The following QTMAN variants were observed in gnomAD, a reference collection of about 807,000 sequenced individuals.
QTMAN encodes tRNA-queuosine alpha-mannosyltransferase.
the QTMAN span, among the ~76,000 whole-genome samples, chr2:144,168,043 T>C: frequency 1.3e-5 from 2 of 152,200 alleles, no homozygotes; most frequent in African/African-American, 4.8e-5. Flanking sequence ...AAAACTGCTA[T>C]GATTAATGCC....
chr2:144,132,596 A>ATTGCTAAG, the QTMAN span, among the ~76,000 whole-genome samples: 1 of 152,050 alleles, frequency 6.6e-6, no homozygotes, highest in South Asian at 2.1e-4. Flanking sequence ...CAGTACTCAC[A>ATTGCTAAG]TTGCTAAGTT....
At chr2:144,272,770 G>A in the QTMAN span, among the ~76,000 whole-genome samples, 2 of 152,000 alleles carry the variant, frequency 1.3e-5, no homozygotes, top group Non-Finnish European at 1.5e-5. Context: ...TGCAAATACA[G>A]GCACAGATAT....
chr2:144,299,551 G>A, the QTMAN span, among the ~76,000 whole-genome samples: 18 of 152,276 alleles, frequency 1.2e-4, no homozygotes, highest in South Asian at 3.5e-3. Flanking sequence ...CAGCACTTGG[G>A]CTCACAGTAA....
the QTMAN span, among the ~76,000 whole-genome samples, chr2:144,239,392 T>G: frequency 6.6e-6 from 1 of 152,166 alleles, no homozygotes; most frequent in Non-Finnish European, 1.5e-5. Flanking sequence ...TATCTACAAT[T>G]GCCAACCTAA....
At chr2:144,016,156 A>G in the QTMAN span, among the ~76,000 whole-genome samples, 1 of 152,206 alleles carries the variant, frequency 6.6e-6, no homozygotes, top group African/African-American at 2.4e-5. Context: ...AAGAGGTTGT[A>G]TCTGCACAAT....
the QTMAN span, among the ~76,000 whole-genome samples, chr2:144,182,828 A>AAT: frequency 0.03 from 2,020 of 67,160 alleles, 95 homozygotes; most frequent in South Asian, 0.051. Flanking sequence ...TTATATATAT[A>AAT]ATATATATAT....
chr2:143,958,774 C>A, the QTMAN span, among the ~76,000 whole-genome samples: 52 of 136,986 alleles, frequency 3.8e-4, no homozygotes, highest in Middle Eastern at 3.9e-3. Flanking sequence ...ATTTTTATTT[C>A]TTTCTTTCTT....
the QTMAN span, among the ~76,000 whole-genome samples, chr2:144,046,412 C>T: frequency 5.3e-5 from 8 of 152,194 alleles, no homozygotes; most frequent in African/African-American, 1.7e-4. Context: ...TGAGATGGGG[C>T]TTTGTTCTGT....
At chr2:144,135,457 C>G in the QTMAN span, among the ~76,000 whole-genome samples, 29 of 152,294 alleles carry the variant, frequency 1.9e-4, no homozygotes, top group African/African-American at 7.0e-4. Flanking sequence ...CCTGAGCCCA[C>G]AGCTGTTTCT....
the QTMAN span, among the ~76,000 whole-genome samples, chr2:143,977,962 C>T: frequency 6.6e-6 from 1 of 152,136 alleles, no homozygotes; most frequent in African/African-American, 2.4e-5. Flanking sequence ...CACAATTCGC[C>T]ATTCATGTAT....
At chr2:144,146,539 C>A in the QTMAN span, among the ~76,000 whole-genome samples, 1 of 151,588 alleles carries the variant, frequency 6.6e-6, no homozygotes, top group Non-Finnish European at 1.5e-5. Flanking sequence ...AGGGTCTAAC[C>A]AGGAAGAACA....
the QTMAN span, among the ~76,000 whole-genome samples, chr2:144,126,874 G>T: frequency 6.6e-6 from 1 of 151,974 alleles, no homozygotes; most frequent in Non-Finnish European, 1.5e-5. Context: ...AAATTCTAAT[G>T]TAATCTTTTT....
At chr2:144,247,891 A>G in the QTMAN span, among the ~76,000 whole-genome samples, 1 of 152,102 alleles carries the variant, frequency 6.6e-6, no homozygotes, top group South Asian at 2.1e-4. Flanking sequence ...GGGTTTCACC[A>G]TACTGCCCAG....
chr2:144,319,341 T>A, the QTMAN span, among the ~76,000 whole-genome samples: 1 of 152,156 alleles, frequency 6.6e-6, no homozygotes, highest in Non-Finnish European at 1.5e-5. Flanking sequence ...AAATTAACCC[T>A]TTTAGTCAAC....
the QTMAN span, chr2:144,295,126 G>A: frequency 6.6e-6 from 1 of 152,168 alleles, no homozygotes; most frequent in East Asian, 1.9e-4. Context: ...CTCCCTGAAA[G>A]CTTTATCTTG....
At chr2:144,051,666 GGAT>G in the QTMAN span, among the ~76,000 whole-genome samples, 2 of 152,142 alleles carry the variant, frequency 1.3e-5, no homozygotes, top group African/African-American at 4.8e-5. Flanking sequence ...AAAAGAGGGT[GGAT>G]GATACAAAGC....
At chr2:144,156,742 G>C in the QTMAN span, among the ~76,000 whole-genome samples, 1 of 152,010 alleles carries the variant, frequency 6.6e-6, no homozygotes, top group Non-Finnish European at 1.5e-5. Context: ...CCCTCTTTAA[G>C]TTATATATTA....
At chr2:144,010,153 A>G in the QTMAN span, among the ~76,000 whole-genome samples, 9 of 152,112 alleles carry the variant, frequency 5.9e-5, no homozygotes, top group South Asian at 6.2e-4. Context: ...TCTTACTCAT[A>G]AAATTCATTT....
chr2:143,993,175 A>T, the QTMAN span, among the ~76,000 whole-genome samples: 2 of 152,350 alleles, frequency 1.3e-5, no homozygotes, highest in Non-Finnish European at 2.9e-5. Flanking sequence ...TGTAAGCTCC[A>T]AGTGAACAGA....
Sources: allele counts gnomAD v4.1 joint callset (sites outside exome capture counted in the v4.1 genomes callset), GRCh38; gene constraint gnomAD v4.1.1; transcripts MANE v1.5; gene names NCBI Gene and HGNC (gene_info 2026-07-23, HGNC 2026-07-21).